Variants in FGF14 observed in about 807,000 individuals in gnomAD.
FGF14 encodes the protein fibroblast growth factor homologous factor 4.
FGF14 carries 5 observed loss-of-function variants against 25.5 expected under a neutral mutation model. The ratio of observed to expected loss-of-function variants is 0.20; its 90% CI spans 0.10 to 0.41. The LOEUF (loss-of-function observed/expected upper bound fraction) is 0.41, where lower values mean the gene tolerates loss of function less well. Ranked by LOEUF, FGF14 falls within the 10% of genes least tolerant of loss-of-function variation. FGF14 has a pLI of 1.00. For synonymous variants in FGF14, 138 were observed against 118.3 expected (o/e 1.17, Z -1.08); for missense variants, 222 against 320.1 (o/e 0.69, Z 2.34).
At chr13:102,084,453 AACAAG>A (rs1375304774) in intron 1 of FGF14, among the ~76,000 whole-genome samples, 1 of 152,198 alleles carries the variant, frequency 6.6e-6, no homozygotes, top group Non-Finnish European at 1.5e-5. Flanking sequence ...CTTCCTTACT[AACAAG>A]ACATTTTTTA....
intron 1 of FGF14, among the ~76,000 whole-genome samples, chr13:102,130,636 G>T (rs181534263): frequency 6.6e-6 from 1 of 151,976 alleles, no homozygotes; most frequent in Non-Finnish European, 1.5e-5. Context: ...TGGCAATGAC[G>T]GTTCTACCTA....
intron 1 of FGF14, among the ~76,000 whole-genome samples, chr13:102,161,658 GAAGAAGAAGAAGAA>G (rs2047740149): frequency 1.5e-4 from 3 of 20,512 alleles, no homozygotes; most frequent in African/African-American, 5.7e-4. Context: ...AGAAGAAGAA[GAAGAAGAAGAAGAA>G]GAAGAAGAAG....
intron 1 of FGF14, among the ~76,000 whole-genome samples, chr13:102,134,283 C>A (rs2046319242): frequency 6.6e-6 from 1 of 152,098 alleles, no homozygotes; most frequent in Non-Finnish European, 1.5e-5. Flanking sequence ...CTTATTCTTC[C>A]CATTGCTTAG....
intron 3 of FGF14, among the ~76,000 whole-genome samples, chr13:101,838,348 T>C (rs1291761921): frequency 1.3e-5 from 2 of 152,000 alleles, no homozygotes; most frequent in East Asian, 3.9e-4. Context: ...AGAGGTGACA[T>C]GGAGACAGCG....
chr13:102,323,473 A>G (rs985796058), intron 1 of FGF14, among the ~76,000 whole-genome samples: 1 of 152,212 alleles, frequency 6.6e-6, no homozygotes, highest in East Asian at 1.9e-4. Flanking sequence ...TAAATACATA[A>G]AAGACTGGTT....
At chr13:101,962,818 G>A (rs919387209) in intron 1 of FGF14, among the ~76,000 whole-genome samples, 15 of 152,106 alleles carry the variant, frequency 9.9e-5, no homozygotes, top group Admixed American at 5.2e-4. Flanking sequence ...TTGCTGCTCC[G>A]TTTCCCTATC....
intron 1 of FGF14, among the ~76,000 whole-genome samples, chr13:102,202,933 G>C (rs2049731044): frequency 6.6e-6 from 1 of 152,166 alleles, no homozygotes; most frequent in African/African-American, 2.4e-5. Context: ...CACAGGCCTC[G>C]ATACTGGTGC....
rs77351668 is a variant in FGF14, at chr13:102,385,986, C to T, written c.208+15485G>A. Among the ~76,000 whole-genome samples the T allele has an allele frequency of 5.1e-4, 77 of 152,154 alleles. No individual in the cohort carries two copies. The East Asian group carries it at 0.014, about 27-fold the overall frequency. ...GGAAATAAATATGATGTGTTTTACC[C>T]GAACGTCACTTTTACACAATTTTTG... On this transcript the variant is annotated intron_variant, in intron 1 of 4. Coordinates refer to the FGF14 transcript ENST00000376131.
chr13:102,164,192 T>A (rs954603970), intron 1 of FGF14, among the ~76,000 whole-genome samples: 1 of 152,126 alleles, frequency 6.6e-6, no homozygotes, highest in Non-Finnish European at 1.5e-5. Flanking sequence ...AAGAAATAAA[T>A]CTTTCTCTTT....
At chr13:101,815,500 A>T (rs1032088329) in intron 3 of FGF14, among the ~76,000 whole-genome samples, 2 of 152,156 alleles carry the variant, frequency 1.3e-5, no homozygotes. Context: ...CCTAAACCTT[A>T]TATTTTAAGA....
chr13:102,082,003 C>T (rs1318361819), intron 1 of FGF14, among the ~76,000 whole-genome samples: 1 of 151,842 alleles, frequency 6.6e-6, no homozygotes, highest in Non-Finnish European at 1.5e-5. Context: ...TTTAAGCAGT[C>T]AAAACAAACA....
intron 1 of FGF14, among the ~76,000 whole-genome samples, chr13:101,970,439 A>C (rs1303993305): frequency 6.6e-6 from 1 of 152,174 alleles, no homozygotes; most frequent in East Asian, 1.9e-4. Context: ...GATTAATCAA[A>C]TATTCAGATC....
At chr13:102,063,701 T>G (rs559172681) in intron 1 of FGF14, among the ~76,000 whole-genome samples, 1 of 152,258 alleles carries the variant, frequency 6.6e-6, no homozygotes, top group African/African-American at 2.4e-5. Flanking sequence ...GACTAGTGTT[T>G]TATTCAGATC....
chr13:101,751,555 A>G (rs2139842139), intron 3 of FGF14, among the ~76,000 whole-genome samples: 1 of 152,286 alleles, frequency 6.6e-6, no homozygotes, highest in African/African-American at 2.4e-5. Context: ...CAAGAACCAC[A>G]TTTAAAAGCC....
chr13:101,818,160 G>A (rs939802991), intron 3 of FGF14, among the ~76,000 whole-genome samples: 1 of 152,182 alleles, frequency 6.6e-6, no homozygotes, highest in Non-Finnish European at 1.5e-5. Flanking sequence ...GCTCAGTGAA[G>A]CTTGAATCCA....
At chr13:102,300,938 TACACAC>T (rs3066020) in intron 1 of FGF14, among the ~76,000 whole-genome samples, 8 of 76,920 alleles carry the variant, frequency 1.0e-4, no homozygotes, top group South Asian at 4.3e-4. Flanking sequence ...CACACACACA[TACACAC>T]ACACACACAC....
chr13:101,933,756 T>C (rs908217165), intron 1 of FGF14, among the ~76,000 whole-genome samples: 5 of 152,028 alleles, frequency 3.3e-5, no homozygotes, highest in Non-Finnish European at 5.9e-5. Flanking sequence ...CAAAAACATA[T>C]ATAATGTATT....
chr13:101,825,296 G>A (rs138031853), intron 3 of FGF14, among the ~76,000 whole-genome samples: 13 of 152,280 alleles, frequency 8.5e-5, no homozygotes, highest in African/African-American at 2.9e-4. Context: ...GTATCCAATG[G>A]AGAGTTGAAG....
At chr13:102,322,663 G>C (rs2056291022) in intron 1 of FGF14, among the ~76,000 whole-genome samples, 1 of 152,020 alleles carries the variant, frequency 6.6e-6, no homozygotes, top group African/African-American at 2.4e-5. Context: ...TATCATCATT[G>C]ACTTGGCAAA....
Sources: allele counts gnomAD v4.1 joint callset (sites outside exome capture counted in the v4.1 genomes callset), GRCh38; gene constraint gnomAD v4.1.1; transcripts MANE v1.5; gene names NCBI Gene and HGNC (gene_info 2026-07-23, HGNC 2026-07-21).